IGF2BP1: variants seen among roughly 807,000 people sequenced by gnomAD.
IGF2BP1 encodes the protein insulin like growth factor 2 mRNA binding protein 1, also known as insulin-like growth factor 2 mRNA-binding protein 1.
A neutral mutation model predicts 74.9 loss-of-function variants in IGF2BP1; 11 were observed. The observed-to-expected ratio is 0.15, with a 90% confidence interval of 0.09 to 0.24. IGF2BP1 has a LOEUF of 0.24. IGF2BP1 is among the 10% of genes least tolerant of loss of function. IGF2BP1 has a pLI of 1.00. For missense variants in IGF2BP1, 440 were observed against 757.4 expected (o/e 0.58, Z 4.92); for synonymous variants, 287 against 281.8 (o/e 1.02, Z -0.18).
chr17:49,031,653 C>T (rs186160962), intron 4 of IGF2BP1, among the ~76,000 whole-genome samples: 9 of 151,858 alleles, frequency 5.9e-5, no homozygotes, highest in Non-Finnish European at 1.2e-4. Context: ...ACTACAGGCA[C>T]GTGCCACTAC....
chr17:49,037,761 T>C (rs149332310), intron 5 of IGF2BP1, among the ~76,000 whole-genome samples: 231 of 152,266 alleles, frequency 1.5e-3, no homozygotes, highest in African/African-American at 5.3e-3. Flanking sequence ...GGGAAGTGTA[T>C]GTGTTAGCTT....
At chr17:49,019,836 C>T (rs543149374) in intron 2 of IGF2BP1, among the ~76,000 whole-genome samples, 8 of 136,070 alleles carry the variant, frequency 5.9e-5, no homozygotes, top group South Asian at 2.5e-4. Flanking sequence ...CTCTGCTTCC[C>T]GGACCCAGGT....
At chr17:49,033,911 C>T (rs1395260608) in intron 5 of IGF2BP1, among the ~76,000 whole-genome samples, 1 of 151,914 alleles carries the variant, frequency 6.6e-6, no homozygotes, top group Non-Finnish European at 1.5e-5. Flanking sequence ...CTTTAACTTC[C>T]TGGGCTGAGG....
chr17:49,038,402 C>T lies in IGF2BP1; in HGVS notation c.636C>T (p.Gly212=). The change falls in exon 6 of 15, where the codon GGC becomes GGT. Residue 212 remains glycine (G), a synonymous_variant. Transcript: ENST00000290341. ...VPTQYVGAII[G]KEGATIRNIT... ...CCCAGTATGTGGGTGCCATTATTGG[C>T]AAGGAGGGGGCCACCATCCGCAACA... 6.3e-7 allele frequency: 1 copy of T among 1,583,378 alleles called. No homozygotes were observed. The highest frequency in any genetic ancestry group is 8.6e-7 in the Non-Finnish European group (1 of 1,164,418).
Position 49,055,446 on chromosome 17 carries a change from T to A in IGF2BP1, c.*6002T>A. On this transcript the variant is annotated 3_prime_UTR_variant, in exon 15 of 15. Transcript: ENST00000290341. ...TCAGTCACCCCTGTCCCCCCTCCCCTGCCAATAAGCTCCCCCAGGAATAAA... is the reference window on the plus strand; with the variant it reads ...TCAGTCACCCCTGTCCCCCCTCCCCAGCCAATAAGCTCCCCCAGGAATAAA... 6.6e-4 allele frequency: 209 copies of A among 318,030 alleles called. No individual in the cohort carries two copies. The highest frequency in any genetic ancestry group is 2.5e-3 in the Middle Eastern group (3 of 1,202). The allele number at this position is 318,030 out of a possible 1,614,324, so 19.7% of individuals were successfully genotyped here.
At position 49,040,098 on chromosome 17, in the gene IGF2BP1, C is replaced by T. The variant is rs1900207034; in HGVS notation, c.818+7C>T. The T allele has an allele frequency of 6.2e-7, 1 of 1,613,748 alleles. No homozygotes were observed. Among genetic ancestry groups the T allele is most frequent in the Non-Finnish European group, 8.5e-7 (1 of 1,179,872 alleles). On this transcript the variant is annotated splice_region_variant and intron_variant, in intron 7 of 14. Coordinates refer to ENST00000290341, the MANE Select transcript of IGF2BP1 (RefSeq NM_006546.4). The stretch of plus-strand genomic sequence containing the variant: ...AGGCTAAGGACACCAAAACGTAAGT[C>T]TCCAGCTTTTCTTGGATCTTCAGGG...
In IGF2BP1 at chr17:49,052,717, C is replaced by A. The variant is rs2042181469; in HGVS notation, c.*3273C>A. 6.6e-6 allele frequency: 1 copy of A among 152,514 alleles called. No homozygotes were observed. Among genetic ancestry groups the A allele is most frequent in the Non-Finnish European group, 1.5e-5 (1 of 68,028 alleles). 9.4% of individuals were successfully genotyped at this position (152,514 alleles called of 1,614,324 possible). ...AACTCCTTGCCCTCCTGCTCAGCACCTCCATTTCCCCATCCTTGGTGAGAT... is the reference window on the plus strand; with the variant it reads ...AACTCCTTGCCCTCCTGCTCAGCACATCCATTTCCCCATCCTTGGTGAGAT... On this transcript the variant is annotated 3_prime_UTR_variant, in exon 15 of 15. Transcript: ENST00000290341.
chr17:48,999,384 G>T (rs540887302), intron 2 of IGF2BP1, among the ~76,000 whole-genome samples: 1 of 152,098 alleles, frequency 6.6e-6, no homozygotes, highest in African/African-American at 2.4e-5. Flanking sequence ...GTTGGGGCTG[G>T]GGTAGGCTAA....
chr17:49,046,439 C>CTATA, intron 14 of IGF2BP1, 66 bp downstream of exon 14: 2 of 1,223,400 alleles, frequency 1.6e-6, no homozygotes, highest in Admixed American at 1.8e-5. Flanking sequence ...AGCAGAGACT[C>CTATA]TATAGAGGTT....
At chr17:49,043,691 C>A in intron 10 of IGF2BP1, 141 bp downstream of exon 10, 2 of 1,089,116 alleles carry the variant, frequency 1.8e-6, no homozygotes, top group Non-Finnish European at 2.6e-6. Context: ...TCCCTCCTCT[C>A]CAGTGCTCCT....
rs184350839 is a variant in IGF2BP1 at position 49,007,237 on chromosome 17, T to C, written c.236+8068T>C. Among the ~76,000 whole-genome samples the C allele has an allele frequency of 2.4e-3, 365 of 152,306 alleles. 2 individuals carry two copies. The highest frequency in any genetic ancestry group is 8.4e-3 in the African/African-American group (351 of 41,554). On this transcript the variant is annotated intron_variant, in intron 2 of 14. Transcript: ENST00000290341. ...GCTAACAAAGTAGGCATTCAGGAACTGGGGATCCCTAGATACCCAGGGGGT... is the reference window on the plus strand; with the variant it reads ...GCTAACAAAGTAGGCATTCAGGAACCGGGGATCCCTAGATACCCAGGGGGT...
chr17:49,002,115 T>C (rs1341431945), intron 2 of IGF2BP1, among the ~76,000 whole-genome samples: 2 of 152,164 alleles, frequency 1.3e-5, no homozygotes, highest in African/African-American at 2.4e-5. Flanking sequence ...GTGATTTCTT[T>C]AGGCAGATTA....
intron 14 of IGF2BP1, among the ~76,000 whole-genome samples, chr17:49,048,297 G>T (rs1404808960): frequency 4.7e-5 from 7 of 150,506 alleles, no homozygotes; most frequent in African/African-American, 1.7e-4. Context: ...GTGTTGTCCA[G>T]GGTGGAGTGC....
intron 4 of IGF2BP1, 135 bp downstream of exon 4, chr17:49,026,652 C>T (rs530754401): frequency 1.6e-6 from 1 of 642,470 alleles, no homozygotes; most frequent in Admixed American, 2.3e-5. Flanking sequence ...TTCCTGCCTG[C>T]CTTCCTGCCT....
chr17:49,033,739 AAT>A (rs1189372785), intron 5 of IGF2BP1, among the ~76,000 whole-genome samples: 2 of 152,104 alleles, frequency 1.3e-5, no homozygotes, highest in Non-Finnish European at 2.9e-5. Flanking sequence ...AGACATACCA[AAT>A]ATACTGAGAC....
chr17:49,015,425 AC>A (rs2041687272), intron 2 of IGF2BP1, among the ~76,000 whole-genome samples: 1 of 151,112 alleles, frequency 6.6e-6, no homozygotes, highest in East Asian at 1.9e-4. Flanking sequence ...AGCCTTCCCG[AC>A]CCCCGGGGGA....
At chr17:49,039,185 ATCTTTATATCTGATCAGTGTAC>A (rs2042021872) in intron 6 of IGF2BP1, among the ~76,000 whole-genome samples, 1 of 151,736 alleles carries the variant, frequency 6.6e-6, no homozygotes, top group Non-Finnish European at 1.5e-5. Context: ...CTTTTCTCTA[ATCTTTATATCTGATCAGTGTAC>A]TCAGTGGCAA....
At chr17:49,036,388 C>T (rs1021329457) in intron 5 of IGF2BP1, 7 of 151,774 alleles carry the variant, frequency 4.6e-5, no homozygotes, top group African/African-American at 1.7e-4. Flanking sequence ...AAAATTGGAA[C>T]GGTACAGAGA....
chr17:49,046,592 C>T (rs1318749738), intron 14 of IGF2BP1, among the ~76,000 whole-genome samples: 2 of 151,036 alleles, frequency 1.3e-5, no homozygotes, highest in Non-Finnish European at 2.9e-5. Flanking sequence ...AGTGATTTGA[C>T]AAGTTTAATG....
Sources: allele counts gnomAD v4.1 joint callset (sites outside exome capture counted in the v4.1 genomes callset), GRCh38; gene constraint gnomAD v4.1.1; transcripts MANE v1.5; gene names NCBI Gene and HGNC (gene_info 2026-07-23, HGNC 2026-07-21).